Variants in ARID2 observed in about 807,000 individuals in gnomAD.
The protein encoded by ARID2 is AT-rich interaction domain 2.
Under a neutral mutation model 184.6 loss-of-function variants are expected in ARID2, and 32 were observed. That is an observed-to-expected ratio of 0.17 (90% CI 0.13 to 0.23). The LOEUF (loss-of-function observed/expected upper bound fraction) is 0.23. Among genes scored for constraint, ARID2 ranks in the 10% least tolerant of loss-of-function variants. The probability of loss-of-function intolerance (pLI) is 1.00; values close to 1 mark genes in which losing one functional copy is unlikely to be tolerated. For synonymous variants in ARID2, 836 were observed against 772.6 expected, an observed-to-expected ratio of 1.08 and a Z score of -1.36; for missense variants, 1,696 against 2,197.6, an observed-to-expected ratio of 0.77 and a Z score of 4.56.
chr12:45,732,611 T>C lies in ARID2; in HGVS notation c.284+1297T>C, dbSNP rs1467664354. On this transcript the variant is annotated intron_variant, in intron 3 of 20. Coordinates refer to ENST00000334344, the MANE Select transcript of ARID2 (RefSeq NM_152641.4). ...TGGGGTGAGAAACAAGAGAGTTTTA[T>C]ATTCATCGTGACATTCATTTGCTCA... Among the ~76,000 whole-genome samples, 3 of 152,304 alleles carry C rather than the reference T, an allele frequency of 2.0e-5. No individual in the cohort carries two copies. The East Asian group carries it at 5.8e-4, about 29-fold the overall frequency.
intron 20 of ARID2, among the ~76,000 whole-genome samples, chr12:45,900,921 A>G (rs1592149587): frequency 6.6e-6 from 1 of 150,528 alleles, no homozygotes; most frequent in East Asian, 2.0e-4. Flanking sequence ...CCCTCTAGAA[A>G]CTGTTGTGAT....
At position 45,785,126 on chromosome 12, in the gene ARID2, T is replaced by C. The variant is rs552404762; in HGVS notation, c.285-26292T>C. 2.6e-5 allele frequency among the ~76,000 whole-genome samples: 4 copies of C among 152,352 alleles called. No homozygotes were observed. The South Asian group carries it at 8.3e-4, about 32-fold the overall frequency. Reference sequence around the variant, plus strand: ...AGAAGCCTCTCTTCTTATTTTCTTATATTCTCTTGCCAGAGTAGAGGTGAT... The same window carrying C: ...AGAAGCCTCTCTTCTTATTTTCTTACATTCTCTTGCCAGAGTAGAGGTGAT... On this transcript the variant is annotated intron_variant, in intron 3 of 20. Coordinates refer to ENST00000334344, the MANE Select transcript of ARID2 (RefSeq NM_152641.4).
intron 3 of ARID2, among the ~76,000 whole-genome samples, chr12:45,752,418 G>A (rs1352201496): frequency 1.3e-5 from 2 of 152,124 alleles, no homozygotes; most frequent in Non-Finnish European, 2.9e-5. Context: ...TGCTTGTTTT[G>A]TTTGAATTAA....
intron 6 of ARID2, among the ~76,000 whole-genome samples, chr12:45,823,737 AG>A (rs554732667): frequency 2.0e-3 from 307 of 152,306 alleles, no homozygotes; most frequent in Non-Finnish European, 2.6e-3. Flanking sequence ...AGATTGAACC[AG>A]GAAGTAATGG....
intron 3 of ARID2, among the ~76,000 whole-genome samples, chr12:45,733,435 G>A (rs1214334354): frequency 3.3e-5 from 5 of 152,190 alleles, no homozygotes; most frequent in African/African-American, 1.2e-4. Flanking sequence ...TAGTAATCGA[G>A]TGACTTGATA....
At position 45,850,606 on chromosome 12, in the gene ARID2, C is replaced by G. The variant is rs753044989; in HGVS notation, c.2483C>G (p.Pro828Arg). The G allele has an allele frequency of 4.3e-6, 7 of 1,614,150 alleles. No individual in the cohort carries two copies. Among genetic ancestry groups the G allele is most frequent in the Non-Finnish European group, 5.9e-6 (7 of 1,179,996 alleles). ...GQQLITTSPQ[P>R]VQTSSQQTSA... is the part of the protein sequence containing the mutation. Reference sequence around the variant, plus strand: ...CAGTTAATCACCACATCACCCCAACCTGTGCAAACTTCATCTCAACAGACA... The same window carrying G: ...CAGTTAATCACCACATCACCCCAACGTGTGCAAACTTCATCTCAACAGACA... The change falls in exon 15 of 21, where the codon CCT (proline) becomes CGT (arginine). Residue 828 changes from proline to arginine, a missense_variant. Pro to Arg is a moderately radical substitution (Grantham distance 103). Around this residue, in one of 11 missense-constraint regions of ARID2, gnomAD observed 713 missense variants for 824.4 expected, o/e 0.86. Coordinates refer to ENST00000334344, the MANE Select transcript of ARID2 (RefSeq NM_152641.4).
intron 5 of ARID2, 38 bp from the exon 6 acceptor site, chr12:45,821,382 A>AT: frequency 7.9e-7 from 1 of 1,273,292 alleles, no homozygotes; most frequent in East Asian, 2.7e-5. Flanking sequence ...AATTTATTGC[A>AT]TTTTATTGAA....
At chr12:45,757,800 C>T (rs1483727409) in intron 3 of ARID2, among the ~76,000 whole-genome samples, 2 of 152,168 alleles carry the variant, frequency 1.3e-5, no homozygotes, top group Non-Finnish European at 2.9e-5. Flanking sequence ...AAATTCTTCA[C>T]ACTTTTGTCA....
At chr12:45,823,309 A>G (rs1942933654) in intron 6 of ARID2, among the ~76,000 whole-genome samples, 1 of 152,116 alleles carries the variant, frequency 6.6e-6, no homozygotes, top group South Asian at 2.1e-4. Flanking sequence ...AAGCAGTCCT[A>G]AGAGGGAAGC....
chr12:45,798,417 C>G (rs1942432472), intron 3 of ARID2, among the ~76,000 whole-genome samples: 2 of 152,136 alleles, frequency 1.3e-5, no homozygotes, highest in South Asian at 2.1e-4. Flanking sequence ...GAATTAGTCT[C>G]TCACCTCCTA....
Position 45,838,796 on chromosome 12 carries a change from T to A in ARID2, c.1331-533T>A, listed in dbSNP as rs188141551. ...AAATATATAGATAGATAGATAGATATAGATATAGATATCCAGCTCCCACTC... is the reference window on the plus strand; with the variant it reads ...AAATATATAGATAGATAGATAGATAAAGATATAGATATCCAGCTCCCACTC... On this transcript the variant is annotated intron_variant, in intron 10 of 20. Coordinates refer to ENST00000334344, the MANE Select transcript of ARID2 (RefSeq NM_152641.4). 4.0e-5 allele frequency among the ~76,000 whole-genome samples: 6 copies of A among 151,424 alleles called. 1 individual carries two copies. Among genetic ancestry groups the A allele is most frequent in the African/African-American group, 1.5e-4 (6 of 41,228 alleles).
chr12:45,804,489 C>CGTGTGTGTGT (rs141399769), intron 3 of ARID2, among the ~76,000 whole-genome samples: 1 of 146,496 alleles, frequency 6.8e-6, no homozygotes, highest in African/African-American at 2.5e-5. Flanking sequence ...CGTGTGTGTG[C>CGTGTGTGTGT]GTGTGTGTGT....
Position 45,906,675 on chromosome 12 carries a change from GAACA to G in ARID2, c.*1600_*1603del, listed in dbSNP as rs1242603964. On this transcript the variant is annotated 3_prime_UTR_variant, in exon 21 of 21. Transcript: ENST00000334344. ...GTTGATTGATAACATATTAAATAGA[GAACA>G]AATAAGAGAGGTCCTTTACATGACA... 8.6e-6 allele frequency: 2 copies of G among 231,996 alleles called. No individual in the cohort carries two copies. The highest frequency in any genetic ancestry group is 1.7e-5 in the Non-Finnish European group (2 of 117,442). 14.4% of individuals were successfully genotyped at this position (231,996 alleles called of 1,614,324 possible). A position where few individuals can be genotyped will look rare whatever the true frequency, so the allele number is the denominator to read the frequency against.
Position 45,849,641 on chromosome 12 carries a change from C to T in ARID2, c.1777C>T (p.His593Tyr), listed in dbSNP as rs1943504298. The T allele has an allele frequency of 2.5e-6, 4 of 1,613,656 alleles. No homozygotes were observed. The highest frequency in any genetic ancestry group is 3.4e-6 in the Non-Finnish European group (4 of 1,179,684). ...GGATTCCAGTAGCAATGGGCAGGCA[C>T]ATATTCATGTGGTAGGAGTAAAACG... is the stretch of plus-strand genomic sequence containing the variant. The part of the protein sequence containing the change: ...VEDSSSNGQA[H>Y]IHVVGVKRRA... The change falls in exon 14 of 21, where the codon CAT becomes TAT. Residue 593 changes from histidine to tyrosine, a missense_variant. Physicochemically the swap from His to Tyr is moderately conservative, Grantham distance 83. Around this residue, in one of 11 missense-constraint regions of ARID2, gnomAD observed 713 missense variants for 824.4 expected, o/e 0.86. Transcript: ENST00000334344.
At position 45,851,382 on chromosome 12, in the gene ARID2, C is replaced by T. The variant is rs561939993; in HGVS notation, c.3259C>T (p.Pro1087Ser). ...TCTCCCAGCTCCACAGATTCCTCCC[C>T]CTAATAATGCAAGAGCTCCTAGCCC... Reference protein sequence around the residue: ...LILPAPQIPPPNNARAPSPQV... With the variant: ...LILPAPQIPPSNNARAPSPQV... The change falls in exon 15 of 21, where the codon CCT (proline) becomes TCT (serine). Residue 1087 changes from proline (P) to serine (S), a missense_variant. Coordinates refer to ENST00000334344, the MANE Select transcript of ARID2 (RefSeq NM_152641.4). 4 of 1,614,124 alleles carry T rather than the reference C, an allele frequency of 2.5e-6. No individual in the cohort carries two copies. The African/African-American group carries it at 4.0e-5, about 16-fold the overall frequency.
chr12:45,808,235 T>C (rs1263827412), intron 3 of ARID2, among the ~76,000 whole-genome samples: 2 of 152,202 alleles, frequency 1.3e-5, no homozygotes, highest in East Asian at 3.8e-4. Flanking sequence ...ACTTTGTGTT[T>C]TAGCTGTGTT....
At chr12:45,730,006 T>C (rs2137959306) in intron 1 of ARID2, 38 bp from the exon 2 acceptor site, 1 of 1,607,780 alleles carries the variant, frequency 6.2e-7, no homozygotes, top group Non-Finnish European at 8.5e-7. Flanking sequence ...GGGCACGGGG[T>C]CCCGGCTGAC....
Position 45,893,644 on chromosome 12 carries a change from A to C in ARID2, c.5286A>C (p.Gly1762=), listed in dbSNP as rs1485765420. 20 of 1,604,770 alleles carry C rather than the reference A, an allele frequency of 1.2e-5. No individual in the cohort carries two copies. The highest frequency in any genetic ancestry group is 1.7e-5 in the Non-Finnish European group (20 of 1,177,588). ...VFRDFTDEKE[G]PITKHIRLTA... ...TTCTTTTTAAGGATGAAAAAGAGGGACCAATAACTAAACACATCCGACTAA... is the reference window on the plus strand; with the variant it reads ...TTCTTTTTAAGGATGAAAAAGAGGGCCCAATAACTAAACACATCCGACTAA... The change falls in exon 20 of 21, where the codon GGA becomes GGC. Residue 1762 remains glycine, a synonymous_variant. Transcript: ENST00000334344.
rs138723849 is a variant in ARID2, at chr12:45,881,974, C to T, written c.4923-9806C>T. 323 of 196,018 alleles carry T rather than the reference C, an allele frequency of 1.6e-3. 3 individuals are homozygous for T. The highest frequency in any genetic ancestry group is 3.6e-3 in the Admixed American group (67 of 18,770). The allele number at this position is 196,018 out of a possible 1,614,324, so 12.1% of individuals were successfully genotyped here. A position where few individuals can be genotyped will look rare whatever the true frequency, so the allele number is the denominator to read the frequency against. On this transcript the variant is annotated intron_variant, in intron 16 of 20. Coordinates refer to ENST00000334344, the MANE Select transcript of ARID2 (RefSeq NM_152641.4). Reference sequence around the variant, plus strand: ...TGCTGAGGAACTCCAAGTGGCAAAGCGCCTGCTTCCTGGGGCTGGGTGACT... The same window carrying T: ...TGCTGAGGAACTCCAAGTGGCAAAGTGCCTGCTTCCTGGGGCTGGGTGACT...
Sources: allele counts gnomAD v4.1 joint callset (sites outside exome capture counted in the v4.1 genomes callset), GRCh38; gene constraint gnomAD v4.1.1; regional missense constraint gnomAD v4.1.1; transcripts MANE v1.5; gene names NCBI Gene and HGNC (gene_info 2026-07-23, HGNC 2026-07-21).